CTNND2: variants seen among roughly 807,000 people sequenced by gnomAD.
CTNND2 encodes the protein catenin delta-2.
A neutral mutation model predicts 144.4 loss-of-function variants in CTNND2; 22 were observed. The ratio of observed to expected loss-of-function variants is 0.15; its 90% CI spans 0.11 to 0.22. CTNND2 has a LOEUF of 0.22. Among genes scored for constraint, CTNND2 ranks in the 10% least tolerant of loss-of-function variants. The probability of loss-of-function intolerance (pLI) is 1.00; values close to 1 mark genes in which losing one functional copy is unlikely to be tolerated. For synonymous variants in CTNND2, 751 were observed against 695.6 expected (o/e 1.08, Z -1.25); for missense variants, 1,353 against 1,618.8 (o/e 0.84, Z 2.82).
intron 12 of CTNND2, among the ~76,000 whole-genome samples, chr5:11,157,236 G>A (rs1229061837): frequency 6.6e-6 from 1 of 152,148 alleles, no homozygotes; most frequent in African/African-American, 2.4e-5. Flanking sequence ...CTCTATTGAT[G>A]GTGCATCTCA....
At chr5:10,982,490 G>A (rs568747532) in intron 20 of CTNND2, among the ~76,000 whole-genome samples, 1 of 152,300 alleles carries the variant, frequency 6.6e-6, no homozygotes, top group South Asian at 2.1e-4. Context: ...CCCAGAGAGG[G>A]GGCCTATTAG....
intron 2 of CTNND2, among the ~76,000 whole-genome samples, chr5:11,669,710 T>C (rs367638300): frequency 9.4e-4 from 143 of 152,270 alleles, no homozygotes; most frequent in African/African-American, 3.2e-3. Context: ...GCTGGATTCA[T>C]TGATTTTTTT....
chr5:11,331,059 T>TA (rs2149715723), intron 9 of CTNND2, among the ~76,000 whole-genome samples: 1 of 152,332 alleles, frequency 6.6e-6, no homozygotes, highest in South Asian at 2.1e-4. Context: ...TCCGTTTATC[T>TA]AAAAAATCCC....
At chr5:11,055,546 T>G (rs1483566108) in intron 16 of CTNND2, among the ~76,000 whole-genome samples, 2 of 152,260 alleles carry the variant, frequency 1.3e-5, no homozygotes, top group African/African-American at 4.8e-5. Context: ...TACTCATTAC[T>G]GAGTACTTCC....
chr5:11,644,673 CAA>C (rs202244691), intron 2 of CTNND2, among the ~76,000 whole-genome samples: 10 of 114,258 alleles, frequency 8.8e-5, no homozygotes, highest in Non-Finnish European at 1.9e-5. Flanking sequence ...GACTCCATCT[CAA>C]AAAAAAAAAA....
chr5:11,465,651 T>G (rs944348759), intron 3 of CTNND2, among the ~76,000 whole-genome samples: 6 of 152,166 alleles, frequency 3.9e-5, no homozygotes, highest in African/African-American at 1.4e-4. Flanking sequence ...TAATTCAACA[T>G]CTGTTTCCCC....
intron 9 of CTNND2, among the ~76,000 whole-genome samples, chr5:11,343,622 C>T (rs1754482176): frequency 1.3e-5 from 2 of 152,078 alleles, no homozygotes; most frequent in African/African-American, 2.4e-5. Flanking sequence ...TCAATATGTG[C>T]TAACAATGTA....
intron 12 of CTNND2, among the ~76,000 whole-genome samples, chr5:11,120,496 C>A (rs111533080): frequency 4.6e-5 from 5 of 107,746 alleles, no homozygotes; most frequent in South Asian, 2.9e-4. Flanking sequence ...TCATGCTGTC[C>A]GCAGGGGTAA....
chr5:11,002,820 T>C (rs1384238447), intron 18 of CTNND2, among the ~76,000 whole-genome samples: 5 of 152,228 alleles, frequency 3.3e-5, no homozygotes, highest in Non-Finnish European at 5.9e-5. Context: ...AAAGAGAGTT[T>C]TGGAAACTTT....
intron 15 of CTNND2, among the ~76,000 whole-genome samples, chr5:11,089,177 G>A (rs1325240572): frequency 6.6e-6 from 1 of 152,176 alleles, no homozygotes; most frequent in African/African-American, 2.4e-5. Flanking sequence ...GCTCTTAACT[G>A]TGACATCAGG....
Position 11,373,159 on chromosome 5 carries a change from C to T in CTNND2, c.1178-8269G>A, listed in dbSNP as rs142896119. On this transcript the variant is annotated intron_variant, in intron 7 of 21. Transcript: ENST00000304623. ...CTTAGCTACAGTTGTCCGGGCCCCA[C>T]ACCAGGGGGACTTCAAAGGCCTTAA... is the stretch of plus-strand genomic sequence containing the variant. Among the ~76,000 whole-genome samples the T allele has an allele frequency of 5.9e-5, 9 of 152,346 alleles. No individual in the cohort carries two copies. The East Asian group carries it at 1.7e-3, about 29-fold the overall frequency.
At chr5:11,529,790 T>C (rs1250548816) in intron 3 of CTNND2, among the ~76,000 whole-genome samples, 1 of 152,102 alleles carries the variant, frequency 6.6e-6, no homozygotes, top group Non-Finnish European at 1.5e-5. Flanking sequence ...TTTCAAACAA[T>C]CTAAAATCAT....
intron 9 of CTNND2, among the ~76,000 whole-genome samples, chr5:11,295,819 T>A (rs866678228): frequency 3.9e-5 from 6 of 152,066 alleles, no homozygotes; most frequent in Admixed American, 3.3e-4. Context: ...TTACACTTTA[T>A]ACAAAAATTA....
chr5:11,050,527 C>T (rs1745722550), intron 16 of CTNND2, among the ~76,000 whole-genome samples: 1 of 152,182 alleles, frequency 6.6e-6, no homozygotes, highest in African/African-American at 2.4e-5. Flanking sequence ...TAATTTGGAA[C>T]CAGAGCTCTA....
At chr5:11,824,372 A>G (rs527568045) in intron 1 of CTNND2, among the ~76,000 whole-genome samples, 1 of 152,266 alleles carries the variant, frequency 6.6e-6, no homozygotes, top group Admixed American at 6.5e-5. Flanking sequence ...GCGTCAGCAA[A>G]TGTTTCACTT....
At chr5:11,356,910 C>A (rs1432901419) in intron 8 of CTNND2, among the ~76,000 whole-genome samples, 1 of 151,224 alleles carries the variant, frequency 6.6e-6, no homozygotes, top group African/African-American at 2.4e-5. Flanking sequence ...TACAAATGAC[C>A]AACAGGTATA....
At chr5:11,094,947 C>T (rs1055313407) in intron 15 of CTNND2, among the ~76,000 whole-genome samples, 1 of 152,102 alleles carries the variant, frequency 6.6e-6, no homozygotes, top group Non-Finnish European at 1.5e-5. Flanking sequence ...CAAAGAAATG[C>T]GCTCTGGATA....
intron 9 of CTNND2, among the ~76,000 whole-genome samples, chr5:11,311,986 CCA>C (rs1217148531): frequency 2.7e-5 from 4 of 148,176 alleles, no homozygotes; most frequent in Non-Finnish European, 6.0e-5. Context: ...CACACACTAC[CCA>C]TATATGCACC....
chr5:11,702,366 T>G (rs1299686194), intron 2 of CTNND2, among the ~76,000 whole-genome samples: 1 of 152,242 alleles, frequency 6.6e-6, no homozygotes, highest in Non-Finnish European at 1.5e-5. Flanking sequence ...CAAGTCCACA[T>G]GTACATGTTA....
Sources: allele counts gnomAD v4.1 joint callset (sites outside exome capture counted in the v4.1 genomes callset), GRCh38; gene constraint gnomAD v4.1.1; transcripts MANE v1.5; gene names NCBI Gene and HGNC (gene_info 2026-07-23, HGNC 2026-07-21).